RBFOX1: variants seen among roughly 807,000 people sequenced by gnomAD.
The protein encoded by RBFOX1 is RNA binding fox-1 homolog 1.
A neutral mutation model predicts 57.7 loss-of-function variants in RBFOX1; 8 were observed. The ratio of observed to expected loss-of-function variants is 0.14; its 90% CI spans 0.08 to 0.25. The LOEUF is 0.25. RBFOX1 is among the 10% of genes least tolerant of loss of function. RBFOX1 has a pLI of 1.00. For missense variants in RBFOX1, 611 were observed against 548.5 expected (o/e 1.11, Z -1.14); for synonymous variants, 326 against 222.4 (o/e 1.47, Z -4.15).
intron 1 of RBFOX1, among the ~76,000 whole-genome samples, chr16:5,322,812 G>A (rs2064449921): frequency 6.6e-6 from 1 of 152,198 alleles, no homozygotes; most frequent in Non-Finnish European, 1.5e-5. Flanking sequence ...CTTATTTTGA[G>A]AGTTAAATGT....
intron 4 of RBFOX1, among the ~76,000 whole-genome samples, chr16:7,233,947 T>G (rs886828189): frequency 3.3e-5 from 5 of 152,218 alleles, no homozygotes; most frequent in African/African-American, 1.2e-4. Context: ...CTTGACTGGC[T>G]TGACTGGTCC....
chr16:5,394,763 G>A (rs1176521816), intron 1 of RBFOX1, among the ~76,000 whole-genome samples: 1 of 152,036 alleles, frequency 6.6e-6, no homozygotes, highest in East Asian at 1.9e-4. Context: ...TGTCCAGGCT[G>A]GTCTTGAACT....
At chr16:6,423,952 AGTTGTGTCCAGGC>A (rs2093847550) in intron 2 of RBFOX1, among the ~76,000 whole-genome samples, 1 of 152,040 alleles carries the variant, frequency 6.6e-6, no homozygotes, top group Non-Finnish European at 1.5e-5. Flanking sequence ...ATGAAGTGCC[AGTTGTGTCCAGGC>A]GTGGTGGCTC....
intron 2 of RBFOX1, among the ~76,000 whole-genome samples, chr16:6,566,121 A>G (rs1036045079): frequency 6.6e-6 from 1 of 152,184 alleles, no homozygotes; most frequent in Admixed American, 6.5e-5. Flanking sequence ...TCACTGTTCA[A>G]ATTTATTAGC....
chr16:6,499,037 A>G (rs1417414864), intron 2 of RBFOX1, among the ~76,000 whole-genome samples: 2 of 152,220 alleles, frequency 1.3e-5, no homozygotes, highest in Non-Finnish European at 2.9e-5. Context: ...GTGACAGGTT[A>G]GTAATTAACT....
At chr16:6,003,281 CAAAAA>C (rs59758084) in intron 4 of RBFOX1, among the ~76,000 whole-genome samples, 1 of 77,584 alleles carries the variant, frequency 1.3e-5, no homozygotes. Context: ...ACTCTGTCTC[CAAAAA>C]AAAAAAAAAA....
chr16:5,738,576 A>G (rs961013736), intron 3 of RBFOX1, among the ~76,000 whole-genome samples: 65 of 145,100 alleles, frequency 4.5e-4, no homozygotes, highest in Admixed American at 3.3e-3. Context: ...GAAGGTTGCC[A>G]TGTGCCGAGA....
intron 3 of RBFOX1, among the ~76,000 whole-genome samples, chr16:6,684,150 T>A (rs1009032824): frequency 1.8e-4 from 27 of 152,186 alleles, no homozygotes; most frequent in African/African-American, 6.5e-4. Flanking sequence ...CATGCTTTTA[T>A]GGTTCGACTT....
intron 3 of RBFOX1, among the ~76,000 whole-genome samples, chr16:6,975,988 A>C (rs1279645885): frequency 6.6e-6 from 1 of 151,940 alleles, no homozygotes; most frequent in Non-Finnish European, 1.5e-5. Flanking sequence ...TTAGCCAGGC[A>C]TGGTGGTGGG....
At chr16:6,055,129 A>G (rs2095599291) in intron 1 of RBFOX1, among the ~76,000 whole-genome samples, 1 of 152,070 alleles carries the variant, frequency 6.6e-6, no homozygotes, top group Non-Finnish European at 1.5e-5. Flanking sequence ...GGGATGCAAA[A>G]CTTATCCTAC....
intron 10 of RBFOX1, chr16:7,614,153 G>A (rs370433146): frequency 1.7e-4 from 26 of 152,266 alleles, no homozygotes; most frequent in African/African-American, 5.8e-4. Flanking sequence ...TTTGGCTCTG[G>A]GATGTTTTGC....
At chr16:5,627,437 C>T (rs1458529603) in intron 3 of RBFOX1, among the ~76,000 whole-genome samples, 1 of 151,748 alleles carries the variant, frequency 6.6e-6, no homozygotes. Flanking sequence ...GTGTGTGTGT[C>T]CCAAAGGGGG....
chr16:5,277,975 G>T (rs528837071), intron 1 of RBFOX1, among the ~76,000 whole-genome samples: 5 of 152,184 alleles, frequency 3.3e-5, no homozygotes, highest in Non-Finnish European at 5.9e-5. Context: ...TACGGGTACA[G>T]GTATCCCGTT....
chr16:6,896,813 G>A (rs572350306), intron 3 of RBFOX1, among the ~76,000 whole-genome samples: 2 of 152,280 alleles, frequency 1.3e-5, no homozygotes, highest in South Asian at 4.1e-4. Context: ...GATCATAGAT[G>A]AGTTTATAGG....
Position 5,952,417 on chromosome 16 carries a change from C to G in RBFOX1, c.351+85082C>G, listed in dbSNP as rs2059540198. 2.6e-5 allele frequency among the ~76,000 whole-genome samples: 4 copies of G among 152,132 alleles called. No homozygotes were observed. The South Asian group carries it at 8.3e-4, about 32-fold the overall frequency. On this transcript the variant is annotated intron_variant, in intron 4 of 19. Coordinates refer to the RBFOX1 transcript ENST00000641259. ...CTGTCCACCTTGGCCTCCTGAGTAGCTGGGATTATAGTCGTGTGCCACCAT... is the reference window on the plus strand; with the variant it reads ...CTGTCCACCTTGGCCTCCTGAGTAGGTGGGATTATAGTCGTGTGCCACCAT...
chr16:6,875,202 A>C (rs1370318417), intron 3 of RBFOX1, among the ~76,000 whole-genome samples: 2 of 152,234 alleles, frequency 1.3e-5, no homozygotes, highest in African/African-American at 4.8e-5. Flanking sequence ...TTATAGTGCT[A>C]CGGTTGATGA....
chr16:5,519,143 G>A (rs2043913985), intron 2 of RBFOX1, among the ~76,000 whole-genome samples: 1 of 152,236 alleles, frequency 6.6e-6, no homozygotes, highest in African/African-American at 2.4e-5. Flanking sequence ...CTCCAGAACT[G>A]TGAGAGAAGT....
intron 3 of RBFOX1, among the ~76,000 whole-genome samples, chr16:6,676,774 G>A (rs2057787192): frequency 6.9e-6 from 1 of 144,714 alleles, no homozygotes; most frequent in Non-Finnish European, 1.5e-5. Flanking sequence ...CTCCCAGGTT[G>A]AAGCATTTCT....
chr16:6,394,958 C>G (rs1033554216), intron 2 of RBFOX1, among the ~76,000 whole-genome samples: 1 of 152,138 alleles, frequency 6.6e-6, no homozygotes, highest in African/African-American at 2.4e-5. Context: ...GTCTTCTCTC[C>G]AATAAATATT....
Sources: allele counts gnomAD v4.1 joint callset (sites outside exome capture counted in the v4.1 genomes callset), GRCh38; gene constraint gnomAD v4.1.1; transcripts MANE v1.5; gene names NCBI Gene and HGNC (gene_info 2026-07-23, HGNC 2026-07-21).